The following ZNF512B variants were observed in gnomAD, a reference collection of about 807,000 sequenced individuals.
The protein encoded by ZNF512B is zinc finger protein 512B.
ZNF512B carries 22 observed loss-of-function variants against 87.8 expected under a neutral mutation model. The ratio of observed to expected loss-of-function variants is 0.25; its 90% CI spans 0.18 to 0.36. ZNF512B has a LOEUF of 0.36. Among genes scored for constraint, ZNF512B ranks in the 10% least tolerant of loss-of-function variants. The pLI, the probability that ZNF512B is intolerant of heterozygous loss-of-function variation, is 1.00. For synonymous variants in ZNF512B, 524 were observed against 490.9 expected (o/e 1.07, Z -0.89); for missense variants, 1,060 against 1,231.6 (o/e 0.86, Z 2.09).
intron 16 of ZNF512B, among the ~76,000 whole-genome samples, chr20:63,960,836 G>T (rs1438095915): frequency 7.1e-6 from 1 of 140,794 alleles, no homozygotes; most frequent in Non-Finnish European, 1.5e-5. Flanking sequence ...GACCAGGCAA[G>T]CACCTGCAGG....
In ZNF512B at chr20:63,957,129, C is replaced by T. The variant is rs1451213371; in HGVS notation, c.*2759G>A. The T allele has an allele frequency of 6.6e-6, 1 of 152,532 alleles. No individual in the cohort carries two copies. The highest frequency in any genetic ancestry group is 2.4e-5 in the African/African-American group (1 of 41,472). The allele number at this position is 152,532 out of a possible 1,614,324, so 9.4% of individuals were successfully genotyped here. On this transcript the variant is annotated 3_prime_UTR_variant, in exon 17 of 17. Coordinates refer to ENST00000369888, the MANE Select transcript of ZNF512B (RefSeq NM_020713.3). ...GGGGTCAGGCTCACTGGCTCCTTCC[C>T]TTCAGCGCCACCAGGCAGGAGGGCC...
chr20:63,964,643 A>T lies in ZNF512B; in HGVS notation c.1108T>A (p.Ser370Thr), dbSNP rs760999264. ...AAGGCCGAGCTCTGGCCCATGGAGG[A>T]GGGGCCGTACTCCCCATTCTCTGGC... ...ARPENGEYGP[S>T]SMGQSSAFQL... The change falls in exon 6 of 17, where the codon TCC (serine) becomes ACC (threonine). Residue 370 changes from serine to threonine, a missense_variant. Physicochemically the swap from Ser to Thr is moderately conservative, Grantham distance 58. Coordinates refer to ENST00000369888, the MANE Select transcript of ZNF512B (RefSeq NM_020713.3). 1.6e-5 allele frequency: 26 copies of T among 1,612,432 alleles called. No homozygotes were observed. Among genetic ancestry groups the T allele is most frequent in the Non-Finnish European group, 2.1e-5 (25 of 1,179,964 alleles).
rs761957334 is a variant in ZNF512B at position 63,966,663 on chromosome 20, G to A, written c.512C>T (p.Ser171Phe). The A allele has an allele frequency of 1.2e-6, 2 of 1,613,264 alleles. No individual in the cohort carries two copies. The highest frequency in any genetic ancestry group is 1.1e-5 in the South Asian group (1 of 91,072). Reference sequence around the variant, plus strand: ...CGGCCTGCTGATGGGCCCAGGCTTGGAGGCAGGCAGGGGTCGGTCCATGTG... The same window carrying A: ...CGGCCTGCTGATGGGCCCAGGCTTGAAGGCAGGCAGGGGTCGGTCCATGTG... ...WNHMDRPLPASKPGPISRPVT... is the reference protein window; with the variant it reads ...WNHMDRPLPAFKPGPISRPVT... Residue 171 changes from serine to phenylalanine, a missense_variant, in exon 5 of 17, where the codon TCC (serine) becomes TTC (phenylalanine). By Grantham distance (155) the Ser-to-Phe change is radical. Around this residue, in one of 9 missense-constraint regions of ZNF512B, gnomAD observed 201 missense variants for 226.8 expected, o/e 0.89. Transcript: ENST00000369888.
rs1330453520 is a variant in ZNF512B at position 63,958,060 on chromosome 20, A to G, written c.*1828T>C. The G allele has an allele frequency of 1.3e-5, 2 of 152,230 alleles. No individual in the cohort carries two copies. Among genetic ancestry groups the G allele is most frequent in the African/African-American group, 4.8e-5 (2 of 41,432 alleles). 9.4% of individuals were successfully genotyped at this position (152,230 alleles called of 1,614,324 possible). A position where few individuals can be genotyped will look rare whatever the true frequency, so the allele number is the denominator to read the frequency against. ...GGTCTCCACACCCACTCCCTGGCAC[A>G]TCTGGCAAGGGCTGCTGAGGGTTGG... On this transcript the variant is annotated 3_prime_UTR_variant, in exon 17 of 17. Coordinates refer to ENST00000369888, the MANE Select transcript of ZNF512B (RefSeq NM_020713.3).
rs145468230 is a variant in ZNF512B at position 63,960,172 on chromosome 20, G to A, written c.2428-33C>T. On this transcript the variant is annotated intron_variant, in intron 16 of 16. Transcript: ENST00000369888. Reference sequence around the variant, plus strand: ...GAGAAAAGCGCTGATGAAGACCTGGGACTGGATGCTGAGCACCTGAGCCAG... The same window carrying A: ...GAGAAAAGCGCTGATGAAGACCTGGAACTGGATGCTGAGCACCTGAGCCAG... 76 of 1,610,088 alleles carry A rather than the reference G, an allele frequency of 4.7e-5. No individual in the cohort carries two copies. In the African/African-American group the frequency reaches 6.7e-4, roughly 14 times the overall value.
intron 16 of ZNF512B, among the ~76,000 whole-genome samples, 173 bp from the exon 17 acceptor site, chr20:63,960,312 G>A (rs889834697): frequency 1.3e-5 from 2 of 149,326 alleles, no homozygotes; most frequent in African/African-American, 5.0e-5. Context: ...GCTGAACACA[G>A]CCTTCGGGAC....
chr20:63,962,286 T>C lies in ZNF512B; in HGVS notation c.2252A>G (p.Asn751Ser), dbSNP rs576869277. 3.7e-6 allele frequency: 6 copies of C among 1,611,782 alleles called. No homozygotes were observed. In the Admixed American group the frequency reaches 6.7e-5, roughly 18 times the overall value. Residue 751 changes from asparagine (N) to serine (S), a missense_variant, in exon 14 of 17, where the codon AAC becomes AGC. Physicochemically the swap from Asn to Ser is conservative, Grantham distance 46. Around this residue, in one of 9 missense-constraint regions of ZNF512B, gnomAD observed 253 missense variants for 259.2 expected, o/e 0.98. Transcript: ENST00000369888. ...GCCTCCGCTCACGTCGTTGGGACAG[T>C]TGACGTGGCCTTTCTCCTTCACTTC... ...KNEVKEKGHVNCPNDCCEAIY... is the reference protein window; with the variant it reads ...KNEVKEKGHVSCPNDCCEAIY...
Position 63,963,387 on chromosome 20 carries a change from C to A in ZNF512B, c.1752G>T (p.Leu584=). 5.8e-6 allele frequency: 9 copies of A among 1,549,502 alleles called. No homozygotes were observed. The highest frequency in any genetic ancestry group is 7.8e-6 in the Non-Finnish European group (9 of 1,152,598). The change falls in exon 11 of 17, where the codon CTG becomes CTT. Residue 584 remains leucine (L), a synonymous_variant. Transcript: ENST00000369888. The part of the protein sequence containing the change: ...EGGEQEERER[L]RKVLKQMGRL... ...GTCCCATCTGCTTCAGCACCTTGCG[C>A]AGCCTCTCGCGCTCCTCCTGCTCGC...
In ZNF512B at chr20:63,957,351, A is replaced by G. The variant is rs1177671147; in HGVS notation, c.*2537T>C. On this transcript the variant is annotated 3_prime_UTR_variant, in exon 17 of 17. Coordinates refer to ENST00000369888, the MANE Select transcript of ZNF512B (RefSeq NM_020713.3). ...GCCTCGGGCAGGGCCGGCGCCCACC[A>G]CACTCTGGGGGTCAGCTATGCTGGT... 1.3e-5 allele frequency: 2 copies of G among 152,372 alleles called. No homozygotes were observed. The allele number at this position is 152,372 out of a possible 1,614,324, so 9.4% of individuals were successfully genotyped here.
At chr20:63,969,600 G>A (rs1354618549) in intron 1 of ZNF512B, among the ~76,000 whole-genome samples, 3 of 147,756 alleles carry the variant, frequency 2.0e-5, no homozygotes, top group South Asian at 2.1e-4. Flanking sequence ...GGGGTGGGGG[G>A]GCGAAGGCAG....
intron 5 of ZNF512B, 31 bp from the exon 6 acceptor site, chr20:63,964,747 AGGGCCTAACTGT>A: frequency 1.9e-6 from 3 of 1,603,380 alleles, no homozygotes; most frequent in East Asian, 2.2e-5. Context: ...GAGGGCCAGG[AGGGCCTAACTGT>A]GGGCCCCATT....
intron 12 of ZNF512B, 72 bp downstream of exon 12, chr20:63,963,023 G>A: frequency 1.4e-6 from 2 of 1,455,784 alleles, no homozygotes; most frequent in Non-Finnish European, 1.8e-6. Flanking sequence ...AATACAGTTG[G>A]CACCCAAGGC....
At chr20:63,969,101 G>T in intron 1 of ZNF512B, 2 of 985,312 alleles carry the variant, frequency 2.0e-6, no homozygotes, top group Non-Finnish European at 2.4e-6. Context: ...GCCAGTGTCC[G>T]GGGACAAAGT....
rs1371299487 is a variant in ZNF512B, at chr20:63,957,444, T to C, written c.*2444A>G. ...AGGGAGTGGGCAGACCCTGCTGAGC[T>C]CCACCCAGGGCCCCACCCCTTGGGA... is the stretch of plus-strand genomic sequence containing the variant. On this transcript the variant is annotated 3_prime_UTR_variant, in exon 17 of 17. Transcript: ENST00000369888. 1 of 152,248 alleles carries C rather than the reference T, an allele frequency of 6.6e-6. No homozygotes were observed. Among genetic ancestry groups the C allele is most frequent in the African/African-American group, 2.4e-5 (1 of 41,320 alleles). The allele number at this position is 152,248 out of a possible 1,614,324, so 9.4% of individuals were successfully genotyped here.
chr20:63,967,365 C>T lies in ZNF512B; in HGVS notation c.264+16G>A, dbSNP rs141450290. 793 of 1,589,840 alleles carry T rather than the reference C, an allele frequency of 5.0e-4. 4 individuals carry two copies. The African/African-American group carries it at 9.0e-3, about 18-fold the overall frequency. On this transcript the variant is annotated intron_variant, in intron 3 of 16. Coordinates refer to ENST00000369888, the MANE Select transcript of ZNF512B (RefSeq NM_020713.3). Reference sequence around the variant, plus strand: ...GACCCCAGCATGAGCCCCACCATGGCCCTGAGGGAGCTCACAGGAATGTCT... The same window carrying T: ...GACCCCAGCATGAGCCCCACCATGGTCCTGAGGGAGCTCACAGGAATGTCT...
In ZNF512B at chr20:63,961,194, C is replaced by T. The variant is rs1378154117; in HGVS notation, c.2427+115G>A. On this transcript the variant is annotated intron_variant, in intron 16 of 16. Coordinates refer to ENST00000369888, the MANE Select transcript of ZNF512B (RefSeq NM_020713.3). This position sits in a 1 kb window ranked among gnomAD's most constrained non-coding sequence, Gnocchi z 6.4. ...AGATTTCTCCACATTGGCCACTCTC[C>T]CAGGCACACCCCATGCAGGCCACTG... 5 of 920,964 alleles carry T rather than the reference C, an allele frequency of 5.4e-6. No individual in the cohort carries two copies. Among genetic ancestry groups the T allele is most frequent in the Middle Eastern group, 2.2e-4 (1 of 4,504 alleles). 57.0% of individuals were successfully genotyped at this position (920,964 alleles called of 1,614,324 possible). A position where few individuals can be genotyped will look rare whatever the true frequency, so the allele number is the denominator to read the frequency against.
Position 63,967,449 on chromosome 20 carries a change from T to G in ZNF512B, c.196A>C (p.Ser66Arg). ...PLCFDPGSPA[S>R]DKTEGKKKGR... The stretch of plus-strand genomic sequence containing the variant: ...TTTTTCTTCCCTTCTGTCTTGTCAC[T>G]GGCTGGACTTCCCGGGTCAAAGCAG... Residue 66 changes from serine to arginine, a missense_variant, in exon 3 of 17, where the codon AGT becomes CGT. Transcript: ENST00000369888. The G allele has an allele frequency of 6.2e-7, 1 of 1,613,400 alleles. No homozygotes were observed. The highest frequency in any genetic ancestry group is 8.5e-7 in the Non-Finnish European group (1 of 1,179,696).
intron 1 of ZNF512B, 142 bp downstream of exon 1, chr20:63,969,672 G>A (rs1381810160): frequency 2.0e-5 from 3 of 146,560 alleles, no homozygotes; most frequent in Non-Finnish European, 4.6e-5. Context: ...CCGGCGCGGG[G>A]CGCGGGGGCT....
At chr20:63,968,062 G>A in intron 1 of ZNF512B, 110 bp from the exon 2 acceptor site, 2 of 1,361,330 alleles carry the variant, frequency 1.5e-6, no homozygotes, top group Admixed American at 4.4e-5. Flanking sequence ...CAGGGAAGAG[G>A]GGCCTGCCTT....
Sources: allele counts gnomAD v4.1 joint callset (sites outside exome capture counted in the v4.1 genomes callset), GRCh38; gene constraint gnomAD v4.1.1; regional missense constraint gnomAD v4.1.1; non-coding constraint Gnocchi (gnomAD v3.1); transcripts MANE v1.5; gene names NCBI Gene and HGNC (gene_info 2026-07-23, HGNC 2026-07-21).